The following PARD3 variants were observed in gnomAD, a reference collection of about 807,000 sequenced individuals.
PARD3 encodes partitioning defective 3 homolog.
PARD3 carries 75 observed loss-of-function variants against 155.4 expected under a neutral mutation model. The observed-to-expected ratio is 0.48, with a 90% CI of 0.40 to 0.58. The LOEUF (loss-of-function observed/expected upper bound fraction) is 0.58, where lower values mean the gene tolerates loss of function less well. Among genes scored for constraint, PARD3 ranks in the 20% least tolerant of loss-of-function variants. The pLI is 0.00. For synonymous variants in PARD3, 576 were observed against 610.5 expected (o/e 0.94, Z 0.83); for missense variants, 1,642 against 1,721.7 (o/e 0.95, Z 0.82).
At chr10:34,289,180 G>A (rs779341457) in intron 20 of PARD3, among the ~76,000 whole-genome samples, 6 of 151,712 alleles carry the variant, frequency 4.0e-5, no homozygotes, top group East Asian at 2.0e-4. Flanking sequence ...TTGTCCCTGC[G>A]GGTCTTTTTT....
intron 3 of PARD3, among the ~76,000 whole-genome samples, chr10:34,482,195 C>T (rs1408525217): frequency 6.6e-6 from 1 of 151,766 alleles, no homozygotes; most frequent in Non-Finnish European, 1.5e-5. Context: ...CCACCATGCC[C>T]AGCTAATTTT....
At chr10:34,458,733 AC>A (rs1308898609) in intron 4 of PARD3, among the ~76,000 whole-genome samples, 11 of 152,212 alleles carry the variant, frequency 7.2e-5, no homozygotes, top group Admixed American at 6.5e-4. Flanking sequence ...ATAAAAAATT[AC>A]AAAAATGTTG....
At position 34,618,820 on chromosome 10, in the gene PARD3, C is replaced by T. The variant is rs2091436594; in HGVS notation, c.222+77498G>A. On this transcript the variant is annotated intron_variant, in intron 2 of 24. Transcript: ENST00000374788. ...AACCTGCTGGAGTCATGCACACCTCCTCCTCTCTCCTCAGTTACACAGGTG... is the reference window on the plus strand; with the variant it reads ...AACCTGCTGGAGTCATGCACACCTCTTCCTCTCTCCTCAGTTACACAGGTG... 2.0e-5 allele frequency among the ~76,000 whole-genome samples: 3 copies of T among 152,066 alleles called. No homozygotes were observed. The South Asian group carries it at 6.2e-4, about 32-fold the overall frequency.
chr10:34,550,027 C>T (rs928867344), intron 2 of PARD3, among the ~76,000 whole-genome samples: 9 of 152,160 alleles, frequency 5.9e-5, no homozygotes, highest in Non-Finnish European at 1.2e-4. Flanking sequence ...CTTGCTGGAC[C>T]TTCTCACATC....
intron 1 of PARD3, among the ~76,000 whole-genome samples, chr10:34,706,360 T>G (rs1008217630): frequency 1.1e-4 from 16 of 152,318 alleles, no homozygotes; most frequent in Admixed American, 9.8e-4. Context: ...ACTGGCAGTT[T>G]CCAATCTGAA....
chr10:34,759,777 C>CCCA (rs1329652487), intron 1 of PARD3, among the ~76,000 whole-genome samples: 1 of 152,118 alleles, frequency 6.6e-6, no homozygotes, highest in Non-Finnish European at 1.5e-5. Context: ...AATAAAGGCA[C>CCCA]CCACCATGGC....
intron 1 of PARD3, among the ~76,000 whole-genome samples, chr10:34,766,049 C>G (rs928687516): frequency 2.0e-5 from 3 of 152,196 alleles, no homozygotes; most frequent in Non-Finnish European, 4.4e-5. Flanking sequence ...AAGAATCAAA[C>G]TATCTTTTAT....
At chr10:34,184,768 A>G (rs1950415271) in intron 22 of PARD3, among the ~76,000 whole-genome samples, 1 of 151,806 alleles carries the variant, frequency 6.6e-6, no homozygotes, top group Non-Finnish European at 1.5e-5. Context: ...AGCCTGCAAA[A>G]GAGATCAGAA....
At chr10:34,254,827 C>T (rs541921370) in intron 22 of PARD3, among the ~76,000 whole-genome samples, 23 of 152,220 alleles carry the variant, frequency 1.5e-4, no homozygotes, top group African/African-American at 5.5e-4. Flanking sequence ...GGCCCACAGT[C>T]AAATTGTGGG....
At chr10:34,404,123 G>C (rs963205614) in intron 5 of PARD3, among the ~76,000 whole-genome samples, 1 of 152,174 alleles carries the variant, frequency 6.6e-6, no homozygotes, top group African/African-American at 2.4e-5. Context: ...TACATACAGT[G>C]TCCAGTTTGG....
intron 1 of PARD3, among the ~76,000 whole-genome samples, chr10:34,699,742 A>C (rs1365386791): frequency 6.6e-6 from 1 of 152,146 alleles, no homozygotes; most frequent in Non-Finnish European, 1.5e-5. Flanking sequence ...AGGCATAGTG[A>C]CCCACACCTG....
chr10:34,246,657 C>T (rs1482645873), intron 22 of PARD3, among the ~76,000 whole-genome samples: 1 of 149,410 alleles, frequency 6.7e-6, no homozygotes, highest in Non-Finnish European at 1.5e-5. Flanking sequence ...TAAGCCCAGA[C>T]AAGAACAACT....
intron 22 of PARD3, among the ~76,000 whole-genome samples, chr10:34,139,330 A>C (rs1009089636): frequency 6.6e-6 from 1 of 152,216 alleles, no homozygotes. Context: ...CCCCTCATTT[A>C]AGAAAAATTT....
intron 19 of PARD3, among the ~76,000 whole-genome samples, chr10:34,330,697 G>GTAC (rs1835522746): frequency 1.3e-5 from 2 of 151,988 alleles, no homozygotes; most frequent in Non-Finnish European, 2.9e-5. Context: ...AATTAAAACT[G>GTAC]GGAAAGTTTT....
chr10:34,374,513 T>C lies in PARD3; in HGVS notation c.1668+361A>G, dbSNP rs190247969. Among the ~76,000 whole-genome samples, 3 of 152,340 alleles carry C rather than the reference T, an allele frequency of 2.0e-5. No homozygotes were observed. The East Asian group carries it at 5.8e-4, about 29-fold the overall frequency. On this transcript the variant is annotated intron_variant, in intron 11 of 24. Coordinates refer to ENST00000374788, the MANE Select transcript of PARD3 (RefSeq NM_001184785.2). The stretch of plus-strand genomic sequence containing the variant: ...ATGTGAAATATGAAAATTTGTCATA[T>C]GCAGTGTGGAAGATGGCAAGCTTTC...
intron 2 of PARD3, among the ~76,000 whole-genome samples, chr10:34,679,019 A>G (rs1313325263): frequency 1.3e-5 from 2 of 152,134 alleles, no homozygotes; most frequent in Non-Finnish European, 2.9e-5. Context: ...CATTAGGAAG[A>G]CAAAATCCTC....
At chr10:34,706,132 C>G (rs2094358561) in intron 1 of PARD3, among the ~76,000 whole-genome samples, 1 of 152,140 alleles carries the variant, frequency 6.6e-6, no homozygotes, top group South Asian at 2.1e-4. Context: ...ACAGCAGTAA[C>G]CACCAGTTAG....
At chr10:34,468,762 C>T (rs1564747240) in intron 4 of PARD3, among the ~76,000 whole-genome samples, 2 of 151,872 alleles carry the variant, frequency 1.3e-5, no homozygotes, top group African/African-American at 4.8e-5. Context: ...TTTCCATGTA[C>T]TTTTTTTGTC....
chr10:34,690,230 C>T (rs192763489), intron 2 of PARD3, among the ~76,000 whole-genome samples: 333 of 152,284 alleles, frequency 2.2e-3, no homozygotes, highest in Non-Finnish European at 3.5e-3. Flanking sequence ...AGGTACGAGC[C>T]AGCATGCCCG....
Sources: allele counts gnomAD v4.1 joint callset (sites outside exome capture counted in the v4.1 genomes callset), GRCh38; gene constraint gnomAD v4.1.1; transcripts MANE v1.5; gene names NCBI Gene and HGNC (gene_info 2026-07-23, HGNC 2026-07-21).